Variants in ADD2 observed in about 807,000 individuals in gnomAD.
ADD2 encodes beta-adducin.
In ADD2, 23 loss-of-function variants were observed where a neutral mutation model predicts 83.0. The observed-to-expected ratio is 0.28, with a 90% CI of 0.20 to 0.39. The LOEUF is 0.39. Ranked by LOEUF, ADD2 falls within the 10% of genes least tolerant of loss-of-function variation. The pLI is 1.00. For missense variants in ADD2, 758 were observed against 944.9 expected (o/e 0.80, Z 2.59); for synonymous variants, 375 against 375.4 (o/e 1.00, Z 0.01).
intron 1 of ADD2, among the ~76,000 whole-genome samples, chr2:70,717,182 G>A (rs538404879): frequency 2.0e-5 from 3 of 151,826 alleles, no homozygotes; most frequent in East Asian, 2.0e-4. Context: ...CTTGGGATTC[G>A]CCCTGGTAGG....
At chr2:70,754,863 A>G (rs1674691451) in intron 1 of ADD2, among the ~76,000 whole-genome samples, 1 of 152,042 alleles carries the variant, frequency 6.6e-6, no homozygotes, top group South Asian at 2.1e-4. Context: ...CAATTCTCCA[A>G]CATCTCTGAT....
At chr2:70,704,712 T>C (rs1671797287) in intron 3 of ADD2, among the ~76,000 whole-genome samples, 1 of 152,196 alleles carries the variant, frequency 6.6e-6, no homozygotes, top group African/African-American at 2.4e-5. Context: ...TTCCAGGTCC[T>C]TTCTGTGTCT....
intron 1 of ADD2, among the ~76,000 whole-genome samples, chr2:70,744,248 C>T (rs540140924): frequency 1.5e-3 from 235 of 152,178 alleles, no homozygotes; most frequent in African/African-American, 4.9e-3. Flanking sequence ...AAAGGTTTGT[C>T]GATGTTAATT....
At chr2:70,710,433 G>A (rs981905435) in intron 2 of ADD2, among the ~76,000 whole-genome samples, 9 of 152,218 alleles carry the variant, frequency 5.9e-5, no homozygotes, top group African/African-American at 1.2e-4. Context: ...AGCTCACACC[G>A]CTATGCCCCA....
rs1415926495 is a variant in ADD2, at chr2:70,762,904, C to T, written c.-154+4982G>A. On this transcript the variant is annotated intron_variant, in intron 1 of 15. Coordinates refer to ENST00000264436, the MANE Select transcript of ADD2 (RefSeq NM_001617.4). Reference sequence around the variant, plus strand: ...TATTTTTAGTAGAGACGAGGTTTCACCATGTTGGCCAGGCTGGTCTGGAAC... The same window carrying T: ...TATTTTTAGTAGAGACGAGGTTTCATCATGTTGGCCAGGCTGGTCTGGAAC... 2.6e-5 allele frequency among the ~76,000 whole-genome samples: 4 copies of T among 151,478 alleles called. 1 individual carries two copies. The East Asian group carries it at 7.7e-4, about 29-fold the overall frequency.
chr2:70,757,288 TGGG>T (rs5832031), intron 1 of ADD2, among the ~76,000 whole-genome samples: 2,881 of 150,232 alleles, frequency 0.019, 60 homozygotes, highest in Non-Finnish European at 0.02. Flanking sequence ...AAGGGATTTG[TGGG>T]GGGGGGGGAT....
chr2:70,760,200 C>T lies in ADD2; in HGVS notation c.-154+7686G>A, dbSNP rs146952224. Among the ~76,000 whole-genome samples, 36 of 152,348 alleles carry T rather than the reference C, an allele frequency of 2.4e-4. No individual in the cohort carries two copies. In the East Asian group the frequency reaches 6.0e-3, roughly 25 times the overall value. ...CAAATATTTAGGTCCATGGTGCCAT[C>T]TTGAAACCTACACGTGCGTGTTTAT... On this transcript the variant is annotated intron_variant, in intron 1 of 15. Coordinates refer to ENST00000264436, the MANE Select transcript of ADD2 (RefSeq NM_001617.4).
rs868976451 is a variant in ADD2, at chr2:70,733,729, G to A, written c.-153-20545C>T. Among the ~76,000 whole-genome samples, 5 of 152,322 alleles carry A rather than the reference G, an allele frequency of 3.3e-5. No homozygotes were observed. In the Middle Eastern group the frequency reaches 0.014, roughly 414 times the overall value. The stretch of plus-strand genomic sequence containing the variant: ...GGCAATGAGGCAGAAGGGAACGGAA[G>A]ATTCTATATCTGGATTCCCAATTTA... On this transcript the variant is annotated intron_variant, in intron 1 of 15. Transcript: ENST00000264436.
intron 1 of ADD2, among the ~76,000 whole-genome samples, chr2:70,753,456 A>T (rs782227119): frequency 6.6e-6 from 1 of 152,138 alleles, no homozygotes; most frequent in Admixed American, 6.6e-5. Flanking sequence ...GATGCAGAAA[A>T]GAGAAAAGCC....
chr2:70,718,778 T>C (rs1672595968), intron 1 of ADD2, among the ~76,000 whole-genome samples: 1 of 152,198 alleles, frequency 6.6e-6, no homozygotes, highest in South Asian at 2.1e-4. Flanking sequence ...GAACCTGGGT[T>C]TGAACCCCTC....
At chr2:70,718,473 A>G (rs1386533182) in intron 1 of ADD2, among the ~76,000 whole-genome samples, 1 of 152,234 alleles carries the variant, frequency 6.6e-6, no homozygotes, top group African/African-American at 2.4e-5. Flanking sequence ...TGTTAAGGGC[A>G]ACACACTACA....
intron 8 of ADD2, among the ~76,000 whole-genome samples, chr2:70,688,380 G>C (rs148005845): frequency 6.6e-6 from 1 of 152,290 alleles, no homozygotes; most frequent in African/African-American, 2.4e-5. Flanking sequence ...GCAACGCCTG[G>C]GTTTTTATGC....
chr2:70,668,469 C>T (rs1321380700), intron 15 of ADD2, among the ~76,000 whole-genome samples: 3 of 152,266 alleles, frequency 2.0e-5, no homozygotes, highest in African/African-American at 7.2e-5. Context: ...TCATTTTACA[C>T]TTGCATGTGT....
At chr2:70,686,045 G>A (rs1005658284) in intron 9 of ADD2, among the ~76,000 whole-genome samples, 2 of 152,222 alleles carry the variant, frequency 1.3e-5, no homozygotes, top group African/African-American at 2.4e-5. Context: ...AGCCACGTTC[G>A]CTTGTTTGCC....
intron 1 of ADD2, among the ~76,000 whole-genome samples, chr2:70,716,796 G>A (rs1672491402): frequency 6.6e-6 from 1 of 152,160 alleles, no homozygotes. Flanking sequence ...AGGAGTGCAT[G>A]GCAGGTGCCT....
intron 1 of ADD2, among the ~76,000 whole-genome samples, chr2:70,764,718 C>T (rs974434085): frequency 9.9e-5 from 15 of 151,472 alleles, no homozygotes; most frequent in African/African-American, 3.2e-4. Context: ...CAGGAGGTCC[C>T]GGCTACAGGG....
intron 1 of ADD2, among the ~76,000 whole-genome samples, chr2:70,762,097 T>C (rs1675141497): frequency 6.6e-6 from 1 of 151,872 alleles, no homozygotes; most frequent in Admixed American, 6.6e-5. Context: ...GAAAAATAGC[T>C]TGGAATTTTT....
chr2:70,741,559 CCCA>C (rs1469372334), intron 1 of ADD2, among the ~76,000 whole-genome samples: 23 of 152,280 alleles, frequency 1.5e-4, no homozygotes, highest in African/African-American at 4.8e-4. Flanking sequence ...ATGACATTTC[CCCA>C]CCACATTCCA....
At chr2:70,726,149 G>A (rs2016914) in intron 1 of ADD2, among the ~76,000 whole-genome samples, 1 of 142,824 alleles carries the variant, frequency 7.0e-6, no homozygotes, top group Non-Finnish European at 1.5e-5. Flanking sequence ...ATCCCGCCAC[G>A]GCACTCCAGC....
Sources: allele counts gnomAD v4.1 joint callset (sites outside exome capture counted in the v4.1 genomes callset), GRCh38; gene constraint gnomAD v4.1.1; transcripts MANE v1.5; gene names NCBI Gene and HGNC (gene_info 2026-07-23, HGNC 2026-07-21).